KCND3: variants seen among roughly 807,000 people sequenced by gnomAD.
The protein encoded by KCND3 is A-type voltage-gated potassium channel KCND3.
A neutral mutation model predicts 51.1 loss-of-function variants in KCND3; 9 were observed. That is an observed-to-expected ratio of 0.18 (90% CI 0.11 to 0.31). The LOEUF (loss-of-function observed/expected upper bound fraction) is 0.31. Among genes scored for constraint, KCND3 ranks in the 10% least tolerant of loss-of-function variants. KCND3 has a pLI of 1.00. For synonymous variants in KCND3, 349 were observed against 368.0 expected (o/e 0.95, Z 0.59); for missense variants, 526 against 903.8 (o/e 0.58, Z 5.36).
chr1:111,885,550 C>A (rs1400662981), intron 2 of KCND3, among the ~76,000 whole-genome samples: 1 of 152,128 alleles, frequency 6.6e-6, no homozygotes, highest in East Asian at 1.9e-4. Flanking sequence ...CATAAGGGAG[C>A]CCCAGAAGGG....
intron 2 of KCND3, among the ~76,000 whole-genome samples, chr1:111,843,956 T>A (rs946700453): frequency 6.6e-6 from 1 of 152,178 alleles, no homozygotes; most frequent in Non-Finnish European, 1.5e-5. Flanking sequence ...ACATGGCTTC[T>A]TCCCCTTTCT....
At chr1:111,828,131 G>T (rs1482425269) in intron 2 of KCND3, among the ~76,000 whole-genome samples, 1 of 152,186 alleles carries the variant, frequency 6.6e-6, no homozygotes. Flanking sequence ...CACTGACGGG[G>T]CATATCTGGA....
In KCND3 at chr1:111,982,634, CG is replaced by C; in HGVS notation, c.92del (p.Pro31ArgfsTer11). 1 of 1,613,760 alleles carries C rather than the reference CG, an allele frequency of 6.2e-7. No homozygotes were observed. On this transcript the variant is annotated frameshift_variant, in exon 2 of 8. Coordinates refer to ENST00000302127, the MANE Select transcript of KCND3 (RefSeq NM_001378969.1). LOFTEE classifies it high-confidence loss of function. The surrounding 1 kb of genome is among the most constrained non-coding windows in gnomAD (Gnocchi z 8.5). ...CATCCTGCCGCTTGTTCTTGTCGGCCGGGGCCAGGGGCATGGGGCAGTTGGC... is the reference window on the plus strand; with the variant it reads ...CATCCTGCCGCTTGTTCTTGTCGGCCGGGCCAGGGGCATGGGGCAGTTGGC... ...PVANCPMPLA[P>X]ADKNKRQDEL...
intron 2 of KCND3, among the ~76,000 whole-genome samples, chr1:111,942,287 C>T (rs1437597012): frequency 6.6e-6 from 1 of 152,202 alleles, no homozygotes; most frequent in Non-Finnish European, 1.5e-5. Context: ...AGCCACAATC[C>T]CCCGTCCCTG....
intron 2 of KCND3, among the ~76,000 whole-genome samples, chr1:111,962,622 G>A (rs79616763): frequency 0.013 from 1,942 of 152,268 alleles, 42 homozygotes; most frequent in African/African-American, 0.044. Context: ...TTGATCAGGC[G>A]AAAGCCTATG....
At chr1:111,939,210 C>T (rs948198526) in intron 2 of KCND3, among the ~76,000 whole-genome samples, 1 of 152,162 alleles carries the variant, frequency 6.6e-6, no homozygotes, top group Admixed American at 6.5e-5. Flanking sequence ...CCTCAGGCCC[C>T]ACAAGGTGAT....
intron 2 of KCND3, among the ~76,000 whole-genome samples, chr1:111,963,238 T>G (rs763856309): frequency 6.6e-6 from 1 of 152,212 alleles, no homozygotes; most frequent in Non-Finnish European, 1.5e-5. Flanking sequence ...CAGGGGTAGA[T>G]TGTTATACAG....
At chr1:111,946,007 C>T (rs1183823351) in intron 2 of KCND3, among the ~76,000 whole-genome samples, 2 of 152,200 alleles carry the variant, frequency 1.3e-5, no homozygotes, top group Non-Finnish European at 1.5e-5. Context: ...GAGAACACTA[C>T]CAACATCACT....
intron 2 of KCND3, among the ~76,000 whole-genome samples, chr1:111,897,067 C>T (rs570586111): frequency 1.9e-4 from 29 of 152,230 alleles, no homozygotes; most frequent in African/African-American, 5.3e-4. Context: ...GCTTAGCACA[C>T]GGGGCAGGCG....
At chr1:111,927,663 C>T (rs1433473111) in intron 2 of KCND3, among the ~76,000 whole-genome samples, 1 of 152,184 alleles carries the variant, frequency 6.6e-6, no homozygotes, top group Non-Finnish European at 1.5e-5. Context: ...CTTCCTTTTC[C>T]ATTCATCCAA....
chr1:111,808,929 C>G (rs1265422296), intron 2 of KCND3, among the ~76,000 whole-genome samples: 1 of 152,224 alleles, frequency 6.6e-6, no homozygotes, highest in East Asian at 1.9e-4. Flanking sequence ...CACCATGGAG[C>G]AAGAGGGAGG....
At chr1:111,983,975 G>C (rs923496059) in intron 1 of KCND3, among the ~76,000 whole-genome samples, 3 of 152,204 alleles carry the variant, frequency 2.0e-5, no homozygotes, top group Non-Finnish European at 4.4e-5. Context: ...CCATCTGTGG[G>C]AAGGCATGTG....
intron 2 of KCND3, among the ~76,000 whole-genome samples, chr1:111,886,017 A>G (rs1000647725): frequency 5.3e-5 from 8 of 152,210 alleles, no homozygotes; most frequent in African/African-American, 1.9e-4. Context: ...TACTCAAGTA[A>G]TGTAATTAAA....
At position 111,774,664 on chromosome 1, in the gene KCND3, C is replaced by G. The variant is rs931881106; in HGVS notation, c.*1413G>C. 3 of 152,232 alleles carry G rather than the reference C, an allele frequency of 2.0e-5. No homozygotes were observed. The highest frequency in any genetic ancestry group is 7.2e-5 in the African/African-American group (3 of 41,450). The allele number at this position is 152,232 out of a possible 1,614,324, so 9.4% of individuals were successfully genotyped here. On this transcript the variant is annotated 3_prime_UTR_variant, in exon 8 of 8. Coordinates refer to ENST00000302127, the MANE Select transcript of KCND3 (RefSeq NM_001378969.1). ...ATCTTTCATAGCAGGTAAGAATCAT[C>G]TAGAATCTCTTACTTGCTTTTGCTT... is the stretch of plus-strand genomic sequence containing the variant.
intron 2 of KCND3, among the ~76,000 whole-genome samples, chr1:111,901,389 C>A (rs1046122924): frequency 6.6e-6 from 1 of 152,226 alleles, no homozygotes; most frequent in Non-Finnish European, 1.5e-5. Context: ...GAGGCAAGAT[C>A]AACACTTATT....
chr1:111,977,737 A>G lies in KCND3; in HGVS notation c.1106+3884T>C, dbSNP rs111438701. Among the ~76,000 whole-genome samples the G allele has an allele frequency of 6.5e-3, 989 of 152,298 alleles. 14 individuals are homozygous for G. The highest frequency in any genetic ancestry group is 0.023 in the African/African-American group (938 of 41,562). ...TCCCAGTCCCTCCTGAGCTTCCCCC[A>G]TGGACTGTCCGGGACAATCATGATG... On this transcript the variant is annotated intron_variant, in intron 2 of 7. Transcript: ENST00000302127.
Position 111,982,659 on chromosome 1 carries a change from G to T in KCND3, c.68C>A (p.Ala23Asp). The T allele has an allele frequency of 6.2e-7, 1 of 1,612,862 alleles. No individual in the cohort carries two copies. Residue 23 changes from alanine (A) to aspartate (D), a missense_variant, in exon 2 of 8, where the codon GCC becomes GAC. By Grantham distance (126) the Ala-to-Asp change is moderately radical. Coordinates refer to ENST00000302127, the MANE Select transcript of KCND3 (RefSeq NM_001378969.1). The surrounding 1 kb of genome is among the most constrained non-coding windows in gnomAD (Gnocchi z 8.5). ...RAAAIGWMPV[A>D]NCPMPLAPAD... Reference sequence around the variant, plus strand: ...CGGGGCCAGGGGCATGGGGCAGTTGGCCACCGGCATCCACCCGATGGCCGC... The same window carrying T: ...CGGGGCCAGGGGCATGGGGCAGTTGTCCACCGGCATCCACCCGATGGCCGC...
chr1:111,936,610 T>G (rs746751481), intron 2 of KCND3, among the ~76,000 whole-genome samples: 1 of 150,572 alleles, frequency 6.6e-6, no homozygotes, highest in Non-Finnish European at 1.5e-5. Context: ...GAAGCAGCAG[T>G]CAGAAAAGAA....
At chr1:111,846,734 G>A (rs1444452672) in intron 2 of KCND3, among the ~76,000 whole-genome samples, 1 of 152,190 alleles carries the variant, frequency 6.6e-6, no homozygotes, top group Non-Finnish European at 1.5e-5. Context: ...GCCAGGCATT[G>A]TCAGCACCTC....
Sources: allele counts gnomAD v4.1 joint callset (sites outside exome capture counted in the v4.1 genomes callset), GRCh38; gene constraint gnomAD v4.1.1; non-coding constraint Gnocchi (gnomAD v3.1); transcripts MANE v1.5; gene names NCBI Gene and HGNC (gene_info 2026-07-23, HGNC 2026-07-21).